Variants in VMP1 observed in about 807,000 individuals in gnomAD.
VMP1 encodes vacuole membrane protein 1.
In VMP1, 11 loss-of-function variants were observed where a neutral mutation model predicts 56.0. That is an observed-to-expected ratio of 0.20 (90% confidence interval 0.12 to 0.32). The LOEUF is 0.32. Ranked by LOEUF, VMP1 falls within the 10% of genes least tolerant of loss-of-function variation. VMP1 has a pLI of 1.00. For synonymous variants in VMP1, 149 were observed against 165.0 expected (o/e 0.90, Z 0.74); for missense variants, 296 against 490.3 (o/e 0.60, Z 3.74).
rs747140673 is a variant in VMP1 at position 59,841,188 on chromosome 17, T to G, written c.*1277T>G. ...TGGGTTTTTTTGGTTTGTTTTTGTTTTTGTTTTTTTATCAAATCCTGCCTG... is the reference window on the plus strand; with the variant it reads ...TGGGTTTTTTTGGTTTGTTTTTGTTGTTGTTTTTTTATCAAATCCTGCCTG... On this transcript the variant is annotated 3_prime_UTR_variant, in exon 12 of 12. Coordinates refer to ENST00000262291, the MANE Select transcript of VMP1 (RefSeq NM_030938.5). 1 of 415,466 alleles carries G rather than the reference T, an allele frequency of 2.4e-6. No homozygotes were observed. Among genetic ancestry groups the G allele is most frequent in the Non-Finnish European group, 5.3e-6 (1 of 187,474 alleles). 25.7% of individuals were successfully genotyped at this position (415,466 alleles called of 1,614,324 possible).
At chr17:59,718,184 CTTTTTTTTTTTT>C (rs971095445) in intron 1 of VMP1, among the ~76,000 whole-genome samples, 8 of 79,282 alleles carry the variant, frequency 1.0e-4, no homozygotes, top group Admixed American at 1.0e-3. Flanking sequence ...TCCCTCCCTC[CTTTTTTTTTTTT>C]TTTTTTTTTT....
intron 5 of VMP1, among the ~76,000 whole-genome samples, chr17:59,751,719 G>A (rs909840790): frequency 8.3e-5 from 12 of 144,884 alleles, no homozygotes; most frequent in African/African-American, 3.1e-4. Context: ...ACTCCAGCCT[G>A]GGCAACAAGA....
chr17:59,708,574 T>A (rs935558400), intron 1 of VMP1, among the ~76,000 whole-genome samples: 1 of 152,242 alleles, frequency 6.6e-6, no homozygotes, highest in Non-Finnish European at 1.5e-5. Flanking sequence ...GCATCGCTCC[T>A]TATCCTAATG....
chr17:59,798,577 A>G (rs2037528276), intron 7 of VMP1, among the ~76,000 whole-genome samples: 1 of 152,202 alleles, frequency 6.6e-6, no homozygotes, highest in African/African-American at 2.4e-5. Flanking sequence ...TCACCATTTT[A>G]TTCTGTTCAT....
At chr17:59,728,934 A>T (rs2034712869) in intron 1 of VMP1, among the ~76,000 whole-genome samples, 2 of 152,166 alleles carry the variant, frequency 1.3e-5, no homozygotes, top group Non-Finnish European at 2.9e-5. Flanking sequence ...ACTCATTGGC[A>T]GCTACTCCCC....
At chr17:59,835,558 T>C (rs2038955026) in intron 10 of VMP1, among the ~76,000 whole-genome samples, 1 of 151,254 alleles carries the variant, frequency 6.6e-6, no homozygotes, top group Non-Finnish European at 1.5e-5. Flanking sequence ...TGGCATGATC[T>C]CGGCTCACTG....
rs570185405 is a variant in VMP1, at chr17:59,786,917, CGTT to C, written c.714+13035_714+13037del. 3.3e-5 allele frequency among the ~76,000 whole-genome samples: 5 copies of C among 152,138 alleles called. No individual in the cohort carries two copies. The South Asian group carries it at 8.3e-4, about 25-fold the overall frequency. On this transcript the variant is annotated intron_variant, in intron 7 of 11. Coordinates refer to ENST00000262291, the MANE Select transcript of VMP1 (RefSeq NM_030938.5). ...AAACACACTTCTTTATCATTAAAGG[CGTT>C]GTCAAAACTACCAAGAATTAGTGTA...
At chr17:59,828,187 CCTG>C (rs745502837) in intron 10 of VMP1, among the ~76,000 whole-genome samples, 7 of 152,190 alleles carry the variant, frequency 4.6e-5, no homozygotes, top group Non-Finnish European at 8.8e-5. Flanking sequence ...CTGCTTTTCT[CCTG>C]CTGCTCAAGT....
chr17:59,807,348 C>G (rs1258783265), intron 7 of VMP1, among the ~76,000 whole-genome samples: 1 of 151,780 alleles, frequency 6.6e-6, no homozygotes, highest in African/African-American at 2.4e-5. Context: ...CAGGCGCCTG[C>G]CAGCACGCCC....
At chr17:59,751,276 G>C (rs1036476310) in intron 5 of VMP1, among the ~76,000 whole-genome samples, 3 of 152,076 alleles carry the variant, frequency 2.0e-5, no homozygotes, top group Admixed American at 6.6e-5. Flanking sequence ...TTACCTTTTA[G>C]AAGATCCAGT....
chr17:59,785,510 T>C (rs533057830), intron 7 of VMP1, among the ~76,000 whole-genome samples: 53 of 151,846 alleles, frequency 3.5e-4, no homozygotes, highest in Non-Finnish European at 6.8e-4. Flanking sequence ...CTTGTAAAAA[T>C]ACAAAATTTT....
intron 1 of VMP1, among the ~76,000 whole-genome samples, chr17:59,724,234 A>T (rs2034508837): frequency 6.6e-6 from 1 of 151,858 alleles, no homozygotes; most frequent in African/African-American, 2.4e-5. Flanking sequence ...AAAGAAAGAA[A>T]AGAAAAAGAA....
chr17:59,721,012 G>T (rs1215755359), intron 1 of VMP1, among the ~76,000 whole-genome samples: 2 of 150,788 alleles, frequency 1.3e-5, no homozygotes, highest in African/African-American at 2.4e-5. Flanking sequence ...AAGCTAACTT[G>T]TTGAGAGTCC....
At chr17:59,831,801 G>GT (rs11424411) in intron 10 of VMP1, among the ~76,000 whole-genome samples, 128,920 of 149,154 alleles carry the variant, frequency 0.86, 55,869 homozygotes, top group East Asian at 0.95. Context: ...GCATTCCTGA[G>GT]TTTTTTTTTT....
chr17:59,794,995 CTTTTTT>C (rs59397471), intron 7 of VMP1, among the ~76,000 whole-genome samples: 1 of 121,220 alleles, frequency 8.2e-6, no homozygotes, highest in Non-Finnish European at 1.6e-5. Flanking sequence ...CAGATTTGAT[CTTTTTT>C]TTTTTTTTTT....
chr17:59,797,058 G>T (rs2037459737), intron 7 of VMP1, among the ~76,000 whole-genome samples: 1 of 152,060 alleles, frequency 6.6e-6, no homozygotes, highest in Admixed American at 6.6e-5. Context: ...ATAAGGCCTG[G>T]CACTGTTGCT....
intron 7 of VMP1, among the ~76,000 whole-genome samples, chr17:59,775,926 C>A (rs1055776696): frequency 3.3e-5 from 5 of 152,116 alleles, no homozygotes; most frequent in African/African-American, 9.7e-5. Context: ...TCTCCATCTT[C>A]AAGTCAGATA....
At chr17:59,787,873 C>T (rs2037061669) in intron 7 of VMP1, among the ~76,000 whole-genome samples, 1 of 141,478 alleles carries the variant, frequency 7.1e-6, no homozygotes, top group South Asian at 2.1e-4. Context: ...CTTTTAAACT[C>T]GACCTCCTAA....
chr17:59,810,059 A>G (rs2038003258), intron 8 of VMP1, among the ~76,000 whole-genome samples: 1 of 152,218 alleles, frequency 6.6e-6, no homozygotes, highest in Non-Finnish European at 1.5e-5. Flanking sequence ...CAAAGTTTCA[A>G]GTATTAGTTA....
Sources: allele counts gnomAD v4.1 joint callset (sites outside exome capture counted in the v4.1 genomes callset), GRCh38; gene constraint gnomAD v4.1.1; transcripts MANE v1.5; gene names NCBI Gene and HGNC (gene_info 2026-07-23, HGNC 2026-07-21).